STPG2: variants seen among roughly 807,000 people sequenced by gnomAD.
STPG2 encodes sperm tail PG-rich repeat containing 2, also known as sperm-tail PG-rich repeat-containing protein 2.
In STPG2, 56 loss-of-function variants were observed where a neutral mutation model predicts 54.2. The observed-to-expected ratio is 1.03, with a 90% confidence interval of 0.83 to 1.29. STPG2 has a LOEUF of 1.29. Among genes scored for constraint, STPG2 ranks in the 50% most tolerant of loss-of-function variants. The pLI is 0.00. For missense variants in STPG2, 596 were observed against 544.9 expected (o/e 1.09, Z -0.93); for synonymous variants, 200 against 181.8 (o/e 1.10, Z -0.81).
intron 3 of STPG2, among the ~76,000 whole-genome samples, chr4:98,118,541 C>T (rs1387215481): frequency 6.6e-6 from 1 of 152,046 alleles, no homozygotes; most frequent in Non-Finnish European, 1.5e-5. Context: ...TATGTATAAA[C>T]TCACAGGTTT....
intron 4 of STPG2, among the ~76,000 whole-genome samples, chr4:97,490,690 C>T (rs1730485278): frequency 6.6e-6 from 1 of 151,590 alleles, no homozygotes; most frequent in Non-Finnish European, 1.5e-5. Context: ...AAATAGGCAA[C>T]ATATGCAGCA....
intron 8 of STPG2, among the ~76,000 whole-genome samples, chr4:97,883,353 A>C (rs2149166899): frequency 6.6e-6 from 1 of 151,908 alleles, no homozygotes; most frequent in East Asian, 1.9e-4. Context: ...GTGGCAGTAC[A>C]CTCCAGCCTA....
chr4:98,017,369 T>A (rs1430797015), intron 5 of STPG2, among the ~76,000 whole-genome samples: 2 of 152,238 alleles, frequency 1.3e-5, no homozygotes, highest in South Asian at 4.1e-4. Context: ...CCTGGTGCTA[T>A]GACAAGCTTG....
intron 4 of STPG2, among the ~76,000 whole-genome samples, chr4:97,459,842 C>G (rs1729619404): frequency 6.6e-6 from 1 of 152,056 alleles, no homozygotes; most frequent in South Asian, 2.1e-4. Flanking sequence ...TTGATTGGGT[C>G]CTTCTAATCA....
chr4:97,565,819 C>T (rs1230067286), intron 10 of STPG2, among the ~76,000 whole-genome samples: 3 of 148,032 alleles, frequency 2.0e-5, no homozygotes, highest in Non-Finnish European at 4.5e-5. Context: ...AGTACCCGGC[C>T]GTGTGAGGTG....
intron 4 of STPG2, among the ~76,000 whole-genome samples, chr4:97,531,186 A>G (rs1396834914): frequency 6.6e-6 from 1 of 152,232 alleles, no homozygotes; most frequent in Non-Finnish European, 1.5e-5. Flanking sequence ...AATGGCTTTT[A>G]TCCAAAAGAT....
intron 8 of STPG2, among the ~76,000 whole-genome samples, chr4:97,863,620 C>T (rs986248836): frequency 2.0e-5 from 3 of 152,128 alleles, no homozygotes; most frequent in Non-Finnish European, 4.4e-5. Context: ...CATCCCGACA[C>T]CAAAGCCTGG....
In STPG2 at chr4:97,697,297, A is replaced by T. The variant is rs187020033; in HGVS notation, c.1320+15402T>A. 5.0e-3 allele frequency among the ~76,000 whole-genome samples: 757 copies of T among 152,320 alleles called. 2 individuals carry two copies. Among genetic ancestry groups the T allele is most frequent in the Non-Finnish European group, 8.6e-3 (584 of 68,036 alleles). On this transcript the variant is annotated intron_variant, in intron 10 of 10. Coordinates refer to ENST00000295268, the MANE Select transcript of STPG2 (RefSeq NM_174952.3). ...TTTGGGAAAGAATTAAAAAGCATCT[A>T]TAAGGACACTCTACAAACTTGTCTT... is the stretch of plus-strand genomic sequence containing the variant.
intron 10 of STPG2, among the ~76,000 whole-genome samples, chr4:97,569,991 C>A (rs1032432889): frequency 2.0e-5 from 3 of 151,982 alleles, no homozygotes; most frequent in African/African-American, 7.2e-5. Context: ...ATTACTCCAA[C>A]AAAAAGTACA....
chr4:97,445,157 TA>T (rs1251726254), intron 4 of STPG2, among the ~76,000 whole-genome samples: 2 of 152,314 alleles, frequency 1.3e-5, no homozygotes, highest in East Asian at 3.9e-4. Flanking sequence ...TAAAATCATT[TA>T]AAAATCTTTG....
intron 10 of STPG2, among the ~76,000 whole-genome samples, chr4:97,695,085 C>A (rs1723523822): frequency 8.9e-6 from 1 of 112,776 alleles, no homozygotes. Context: ...TGCAAAAATC[C>A]TCCAAAAAAA....
chr4:97,813,711 A>T (rs1158982283), intron 9 of STPG2, among the ~76,000 whole-genome samples: 1 of 108,412 alleles, frequency 9.2e-6, no homozygotes, highest in Non-Finnish European at 1.9e-5. Flanking sequence ...AAAAAAAAAA[A>T]GCATGTTTTA....
chr4:97,885,690 C>A (rs1387486031), intron 8 of STPG2, among the ~76,000 whole-genome samples: 1 of 152,064 alleles, frequency 6.6e-6, no homozygotes, highest in Non-Finnish European at 1.5e-5. Flanking sequence ...GATGTGAATT[C>A]CACAAATACA....
At chr4:97,506,536 T>G (rs114030462) in intron 4 of STPG2, among the ~76,000 whole-genome samples, 3,106 of 152,004 alleles carry the variant, frequency 0.02, 67 homozygotes, top group African/African-American at 0.057. Context: ...CTATCCAAGT[T>G]GAAAACACAA....
chr4:97,759,296 C>A (rs531374057), intron 9 of STPG2, among the ~76,000 whole-genome samples: 1 of 151,960 alleles, frequency 6.6e-6, no homozygotes, highest in African/African-American at 2.4e-5. Flanking sequence ...TTTCCCACAA[C>A]GCAGGGCTCA....
intron 4 of STPG2, among the ~76,000 whole-genome samples, chr4:97,478,925 T>C (rs1400674072): frequency 1.3e-5 from 2 of 150,112 alleles, no homozygotes; most frequent in African/African-American, 4.9e-5. Flanking sequence ...GTGTGTACTT[T>C]ATATGTGAAA....
At chr4:97,685,565 T>A (rs1032080267) in intron 10 of STPG2, among the ~76,000 whole-genome samples, 2 of 152,106 alleles carry the variant, frequency 1.3e-5, no homozygotes, top group African/African-American at 4.8e-5. Flanking sequence ...CATGAATAGG[T>A]AGAGCATAGA....
At chr4:98,030,097 C>T (rs775710923) in intron 5 of STPG2, among the ~76,000 whole-genome samples, 5 of 152,122 alleles carry the variant, frequency 3.3e-5, no homozygotes, top group African/African-American at 7.2e-5. Flanking sequence ...TTCCATTATC[C>T]GGTTTGCAAG....
At chr4:97,453,816 T>G (rs1729440941) in intron 4 of STPG2, among the ~76,000 whole-genome samples, 2 of 152,254 alleles carry the variant, frequency 1.3e-5, no homozygotes, top group Admixed American at 6.5e-5. Context: ...CAGCACAAAC[T>G]TAGAAGTATG....
Sources: gnomAD v4.1 joint callset for allele counts (sites outside exome capture counted in the v4.1 genomes callset) on GRCh38, gnomAD v4.1.1 for gene constraint, MANE v1.5 for transcripts, NCBI Gene and HGNC (gene_info 2026-07-23, HGNC 2026-07-21) for gene names.